SOCS6: variants seen among roughly 807,000 people sequenced by gnomAD.
The protein encoded by SOCS6 is STAT induced STAT inhibitor-4.
In SOCS6, 5 loss-of-function variants were observed where a neutral mutation model predicts 27.7. The observed-to-expected ratio is 0.18, with a 90% CI of 0.09 to 0.38. The LOEUF is 0.38. SOCS6 is among the 10% of genes least tolerant of loss of function. SOCS6 has a pLI of 1.00. For missense variants in SOCS6, 595 were observed against 688.1 expected, an observed-to-expected ratio of 0.86 and a Z score of 1.51; for synonymous variants, 271 against 260.0, an observed-to-expected ratio of 1.04 and a Z score of -0.41.
chr18:70,325,447 G>T lies in SOCS6; in HGVS notation c.779G>T (p.Arg260Leu), dbSNP rs756144051. 3.1e-6 allele frequency: 5 copies of T among 1,614,014 alleles called. No individual in the cohort carries two copies. Among genetic ancestry groups the T allele is most frequent in the Non-Finnish European group, 4.2e-6 (5 of 1,180,004 alleles). ...GCGGTTCCTCCTCAAGTGGGAGGGC[G>T]CGCTTTCCCCGAGGATGAGAGTCAG... ...VSAVPPQVGG[R>L]AFPEDESQVD... The change falls in exon 2 of 2, where the codon CGC becomes CTC. Residue 260 changes from arginine to leucine, a missense_variant. By Grantham distance (102) the Arg-to-Leu change is moderately radical. Around this residue, in one of 2 missense-constraint regions of SOCS6, gnomAD observed 467 missense variants for 481.1 expected, o/e 0.97. Coordinates refer to ENST00000397942, the MANE Select transcript of SOCS6 (RefSeq NM_004232.4). The surrounding 1 kb of genome is among the most constrained non-coding windows in gnomAD (Gnocchi z 6.3).
intron 1 of SOCS6, among the ~76,000 whole-genome samples, chr18:70,311,387 G>T (rs1330989340): frequency 6.6e-6 from 1 of 152,174 alleles, no homozygotes; most frequent in Non-Finnish European, 1.5e-5. Flanking sequence ...ATGGGAGATG[G>T]ATTAAGGAAA....
intron 1 of SOCS6, among the ~76,000 whole-genome samples, chr18:70,313,489 A>G (rs1334132092): frequency 6.6e-6 from 1 of 152,006 alleles, no homozygotes; most frequent in Admixed American, 6.5e-5. Context: ...ATTTTTCTCC[A>G]ACTTTTATAT....
intron 1 of SOCS6, among the ~76,000 whole-genome samples, chr18:70,319,608 TAAAAAAAA>T (rs34494275): frequency 7.9e-6 from 1 of 126,346 alleles, no homozygotes. Context: ...AGCACTTCAG[TAAAAAAAA>T]AAAAAAAAAA....
intron 1 of SOCS6, among the ~76,000 whole-genome samples, chr18:70,321,582 G>A (rs138236088): frequency 0.016 from 2,391 of 149,474 alleles, 65 homozygotes; most frequent in African/African-American, 0.055. Flanking sequence ...GATCCGCCTC[G>A]GCCTCCCAAA....
At chr18:70,318,495 C>G (rs1402463922) in intron 1 of SOCS6, among the ~76,000 whole-genome samples, 2 of 152,104 alleles carry the variant, frequency 1.3e-5, no homozygotes, top group African/African-American at 4.8e-5. Flanking sequence ...AAGAAAATCG[C>G]AGGCACAGTG....
chr18:70,317,014 T>TG (rs2062414186), intron 1 of SOCS6, among the ~76,000 whole-genome samples: 1 of 152,236 alleles, frequency 6.6e-6, no homozygotes, highest in South Asian at 2.1e-4. Context: ...GCCCAGTTAT[T>TG]TTTTTCAAGG....
At chr18:70,305,174 C>CTGA in intron 1 of SOCS6, among the ~76,000 whole-genome samples, 3 of 151,932 alleles carry the variant, frequency 2.0e-5, no homozygotes, top group Admixed American at 2.0e-4. Context: ...CGCCACTGCA[C>CTGA]TCCAACCTGA....
intron 1 of SOCS6, among the ~76,000 whole-genome samples, chr18:70,303,229 C>CGAAA (rs1343958381): frequency 1.3e-5 from 2 of 151,990 alleles, no homozygotes; most frequent in African/African-American, 4.8e-5. Flanking sequence ...ATGAATTTTC[C>CGAAA]CCTCATGTTA....
intron 1 of SOCS6, among the ~76,000 whole-genome samples, chr18:70,298,777 A>G (rs528539442): frequency 7.2e-5 from 11 of 152,274 alleles, no homozygotes; most frequent in Admixed American, 7.2e-4. Context: ...TAAAAGGCTG[A>G]TTTATTTCTT....
chr18:70,318,917 C>T (rs1487294865), intron 1 of SOCS6, among the ~76,000 whole-genome samples: 3 of 150,844 alleles, frequency 2.0e-5, no homozygotes, highest in Middle Eastern at 3.2e-3. Context: ...GCCTGGGCGA[C>T]GCGAGCAAGA....
chr18:70,313,995 A>G (rs955758737), intron 1 of SOCS6, among the ~76,000 whole-genome samples: 11 of 152,198 alleles, frequency 7.2e-5, no homozygotes, highest in African/African-American at 1.2e-4. Flanking sequence ...AAAGTGTTTC[A>G]TGTAGTTTTA....
Position 70,321,160 on chromosome 18 carries a change from A to T in SOCS6, c.-126-3383A>T, listed in dbSNP as rs181434919. 4.0e-5 allele frequency among the ~76,000 whole-genome samples: 6 copies of T among 151,676 alleles called. No individual in the cohort carries two copies. The East Asian group carries it at 1.2e-3, about 30-fold the overall frequency. ...GTGGTGGTGCGTGCCTATAGTACCA[A>T]CTGCTCAGGAGGCTGAGGTGGGAGG... On this transcript the variant is annotated intron_variant, in intron 1 of 1. Coordinates refer to ENST00000397942, the MANE Select transcript of SOCS6 (RefSeq NM_004232.4).
intron 1 of SOCS6, 27 bp from the exon 2 acceptor site, chr18:70,324,516 G>A (rs1336516416): frequency 1.8e-6 from 1 of 569,080 alleles, no homozygotes; most frequent in African/African-American, 1.9e-5. Context: ...TTTTTAATAT[G>A]ACTCTTTTTA....
At chr18:70,304,596 C>G (rs906829282) in intron 1 of SOCS6, among the ~76,000 whole-genome samples, 3 of 152,066 alleles carry the variant, frequency 2.0e-5, no homozygotes, top group African/African-American at 7.2e-5. Context: ...TGTCTTTGGT[C>G]AAAGGTTTGT....
chr18:70,298,968 T>C (rs1294119469), intron 1 of SOCS6, among the ~76,000 whole-genome samples: 1 of 151,852 alleles, frequency 6.6e-6, no homozygotes, highest in Non-Finnish European at 1.5e-5. Context: ...CTACTAAAAA[T>C]ACAAAAATTA....
intron 1 of SOCS6, among the ~76,000 whole-genome samples, chr18:70,296,338 T>G (rs1489392558): frequency 6.6e-6 from 1 of 152,214 alleles, no homozygotes; most frequent in Non-Finnish European, 1.5e-5. Flanking sequence ...TCTCAGTGCA[T>G]GAATAGAGGT....
intron 1 of SOCS6, among the ~76,000 whole-genome samples, chr18:70,292,325 T>C (rs973632751): frequency 3.3e-5 from 5 of 152,186 alleles, no homozygotes; most frequent in African/African-American, 1.2e-4. Flanking sequence ...GAATATGTAT[T>C]TATGGTAACA....
At chr18:70,312,738 T>C (rs2062395453) in intron 1 of SOCS6, among the ~76,000 whole-genome samples, 1 of 151,606 alleles carries the variant, frequency 6.6e-6, no homozygotes, top group South Asian at 2.1e-4. Flanking sequence ...AATCAAGATA[T>C]AGAACAATTT....
chr18:70,298,470 CATTT>C lies in SOCS6; in HGVS notation c.-127+9383_-127+9386del, dbSNP rs201400566. Reference sequence around the variant, plus strand: ...GAACTATATATAAGATAGTATTTTACATTTATCATTCTGGAGGTCAGGATGTATT... The same window carrying C: ...GAACTATATATAAGATAGTATTTTACATCATTCTGGAGGTCAGGATGTATT... On this transcript the variant is annotated intron_variant, in intron 1 of 1. Coordinates refer to ENST00000397942, the MANE Select transcript of SOCS6 (RefSeq NM_004232.4). Among the ~76,000 whole-genome samples the C allele has an allele frequency of 9.5e-3, 1,442 of 152,204 alleles. 17 individuals are homozygous for C. The highest frequency in any genetic ancestry group is 0.033 in the African/African-American group (1,379 of 41,520).
Sources: gnomAD v4.1 joint callset for allele counts (sites outside exome capture counted in the v4.1 genomes callset) on GRCh38, gnomAD v4.1.1 for gene constraint, gnomAD v4.1.1 regional missense constraint, Gnocchi (gnomAD v3.1) non-coding constraint, MANE v1.5 for transcripts, NCBI Gene and HGNC (gene_info 2026-07-23, HGNC 2026-07-21) for gene names.